Variants in ADAP1 observed in about 807,000 individuals in gnomAD.
ADAP1 encodes the protein arf-GAP with dual PH domain-containing protein 1.
ADAP1 carries 31 observed loss-of-function variants against 54.9 expected under a neutral mutation model. That is an observed-to-expected ratio of 0.56 (90% CI 0.42 to 0.76). ADAP1 has a LOEUF of 0.76. Ranked by LOEUF, ADAP1 falls within the 30% of genes least tolerant of loss-of-function variation. The pLI is 0.00. For synonymous variants in ADAP1, 313 were observed against 202.6 expected (o/e 1.55, Z -4.63); for missense variants, 535 against 512.4 (o/e 1.04, Z -0.42).
At chr7:927,491 C>A (rs1192738046) in intron 2 of ADAP1, 1 of 471,102 alleles carries the variant, frequency 2.1e-6, no homozygotes, top group Non-Finnish European at 4.4e-6. Flanking sequence ...CTCCTGAACA[C>A]CACTCGCCTG....
chr7:911,402 G>A (rs559912833), intron 4 of ADAP1, among the ~76,000 whole-genome samples: 1 of 152,202 alleles, frequency 6.6e-6, no homozygotes, highest in Non-Finnish European at 1.5e-5. Context: ...GGCTGCAGGA[G>A]GGGCCACCCT....
At chr7:943,247 G>T (rs1403890839) in intron 1 of ADAP1, among the ~76,000 whole-genome samples, 19 of 27,494 alleles carry the variant, frequency 6.9e-4, no homozygotes, top group East Asian at 4.7e-3. Flanking sequence ...GGAGAGAGGA[G>T]GAGGAAGGGA....
intron 2 of ADAP1, among the ~76,000 whole-genome samples, chr7:930,101 C>CCA (rs1846519280): frequency 3.0e-5 from 1 of 33,296 alleles, no homozygotes; most frequent in Non-Finnish European, 5.1e-5. Context: ...AAGACTGTCT[C>CCA]AAAAAAAAAA....
At position 935,412 on chromosome 7, in the gene ADAP1, G is replaced by A. The variant is rs1452474123; in HGVS notation, c.176C>T (p.Ser59Phe). The A allele has an allele frequency of 1.3e-6, 2 of 1,561,176 alleles. No homozygotes were observed. The highest frequency in any genetic ancestry group is 1.9e-5 in the Admixed American group (1 of 52,632). The change falls in exon 2 of 11, where the codon TCC becomes TTC. Residue 59 changes from serine (S) to phenylalanine (F), a missense_variant. By Grantham distance (155) the Ser-to-Phe change is radical. Transcript: ENST00000265846. ...CTCCTCCCAGGCGTCCAGGCGGACG[G>A]ACTTCACCTTGCTGACCTGGGGGAT... ...RNIPQVSKVKSVRLDAWEEAQ... is the reference protein window; with the variant it reads ...RNIPQVSKVKFVRLDAWEEAQ...
At chr7:900,840 G>A (rs1583114606) in intron 6 of ADAP1, 21 of 645,348 alleles carry the variant, frequency 3.3e-5, no homozygotes, top group Non-Finnish European at 5.8e-5. Context: ...GAGGGCAGGT[G>A]CAGCCTCCCC....
rs924123619 is a variant in ADAP1, at chr7:926,296, G to A, written c.305+257C>T. Among the ~76,000 whole-genome samples the A allele has an allele frequency of 6.6e-6, 1 of 152,024 alleles. No homozygotes were observed. Among genetic ancestry groups the A allele is most frequent in the Non-Finnish European group, 1.5e-5 (1 of 67,982 alleles). ...CACCCGAGACCCCCAAGGCCTCAGCGAACCTGGGTGGGCTGTAGCTACTGA... is the reference window on the plus strand; with the variant it reads ...CACCCGAGACCCCCAAGGCCTCAGCAAACCTGGGTGGGCTGTAGCTACTGA... On this transcript the variant is annotated intron_variant, in intron 3 of 10. Transcript: ENST00000265846. This position sits in a 1 kb window ranked among gnomAD's most constrained non-coding sequence, Gnocchi z 4.6.
chr7:947,072 C>G, intron 1 of ADAP1, among the ~76,000 whole-genome samples: 1 of 151,926 alleles, frequency 6.6e-6, no homozygotes, highest in Non-Finnish European at 1.5e-5. Flanking sequence ...GAGAGAGGGT[C>G]TCTGTCACTC....
intron 5 of ADAP1, 126 bp from the exon 6 acceptor site, chr7:904,398 T>G: frequency 7.9e-7 from 1 of 1,265,966 alleles, no homozygotes. Context: ...GCAAGTTACT[T>G]AAGCGCTCTG....
intron 4 of ADAP1, among the ~76,000 whole-genome samples, chr7:907,849 G>T (rs577550285): frequency 6.6e-6 from 1 of 152,266 alleles, no homozygotes; most frequent in East Asian, 1.9e-4. Flanking sequence ...TCACGGGGCC[G>T]TCTGCCAAGC....
At chr7:907,683 T>C (rs1033671638) in intron 4 of ADAP1, among the ~76,000 whole-genome samples, 2 of 152,210 alleles carry the variant, frequency 1.3e-5, no homozygotes, top group Non-Finnish European at 2.9e-5. Flanking sequence ...GCTTCTTCTA[T>C]GGCCCTGGCT....
chr7:955,353 A>G, upstream of ADAP1: 1 of 1,550,024 alleles, frequency 6.5e-7, no homozygotes, highest in East Asian at 2.4e-5. Context: ...AATTCTTTCC[A>G]TTTTCTTCTT....
At chr7:904,948 GGGGC>G (rs200686919) in intron 5 of ADAP1, 108 bp downstream of exon 5, 55,756 of 906,892 alleles carry the variant, frequency 0.061, 2,033 homozygotes, top group South Asian at 0.099. Context: ...CCCATCGGGG[GGGGC>G]AGCAGGGAGG....
intron 1 of ADAP1, among the ~76,000 whole-genome samples, chr7:941,053 G>T (rs1203323983): frequency 1.3e-5 from 2 of 150,878 alleles, no homozygotes; most frequent in East Asian, 1.9e-4. Context: ...GAATAGAGGG[G>T]AATTTCCCCA....
chr7:909,134 AGC>A (rs1845604868), intron 4 of ADAP1, among the ~76,000 whole-genome samples: 1 of 142,910 alleles, frequency 7.0e-6, no homozygotes, highest in Admixed American at 7.0e-5. Context: ...TCCTCCCGAC[AGC>A]AGGCGCCAGC....
rs200017536 is a variant in ADAP1, at chr7:898,900, G to A, written c.*21C>T. On this transcript the variant is annotated 3_prime_UTR_variant, in exon 11 of 11. Coordinates refer to ENST00000265846, the MANE Select transcript of ADAP1 (RefSeq NM_006869.4). The stretch of plus-strand genomic sequence containing the variant: ...TCCAGCCACAGTGAGTCCAATGTCC[G>A]TGGTCCTCCAGCCGCACTCGCTAAG... The A allele has an allele frequency of 5.8e-5, 92 of 1,589,936 alleles. No homozygotes were observed. The East Asian group carries it at 7.6e-4, about 13-fold the overall frequency.
chr7:924,560 G>A lies in ADAP1; in HGVS notation c.305+1993C>T, dbSNP rs570364524. Among the ~76,000 whole-genome samples the A allele has an allele frequency of 1.6e-3, 195 of 121,452 alleles. 3 individuals are homozygous for A. Among genetic ancestry groups the A allele is most frequent in the Middle Eastern group, 0.012 (3 of 244 alleles). The allele number at this position is 121,452 out of a possible 152,430, so 79.7% of individuals were successfully genotyped here. A position where few individuals can be genotyped will look rare whatever the true frequency, so the allele number is the denominator to read the frequency against. On this transcript the variant is annotated intron_variant, in intron 3 of 10. Coordinates refer to ENST00000265846, the MANE Select transcript of ADAP1 (RefSeq NM_006869.4). ...TGCACCCCCTGCCCTCCAGGTCCAC[G>A]CTGCACCCCCCGCCCTCCAAGTTAT...
chr7:902,008 G>T (rs1446700320), intron 6 of ADAP1, among the ~76,000 whole-genome samples: 2 of 152,162 alleles, frequency 1.3e-5, no homozygotes, highest in South Asian at 2.1e-4. Flanking sequence ...TGCACTCCAC[G>T]CTGGAGCTCT....
At chr7:906,607 GGGAGAAAGGGAAA>G (rs1323884629) in intron 4 of ADAP1, among the ~76,000 whole-genome samples, 1 of 7,768 alleles carries the variant, frequency 1.3e-4, no homozygotes, top group Non-Finnish European at 2.2e-4. Context: ...AAGGGAGAAA[GGGAGAAAGGGAAA>G]GGAGAAAGGA....
intron 3 of ADAP1, among the ~76,000 whole-genome samples, chr7:925,230 TCCCCGAAGA>T (rs1846341560): frequency 6.6e-6 from 1 of 151,536 alleles, no homozygotes; most frequent in Admixed American, 6.6e-5. Flanking sequence ...CAGCCCCTGC[TCCCCGAAGA>T]CCCCGGGAGG....
Sources: gnomAD v4.1 joint callset for allele counts (sites outside exome capture counted in the v4.1 genomes callset) on GRCh38, gnomAD v4.1.1 for gene constraint, Gnocchi (gnomAD v3.1) non-coding constraint, MANE v1.5 for transcripts, NCBI Gene and HGNC (gene_info 2026-07-23, HGNC 2026-07-21) for gene names.